AKR1C2: variants seen among roughly 807,000 people sequenced by gnomAD.
AKR1C2 encodes the protein 3-alpha-HSD3.
Under a neutral mutation model 39.8 loss-of-function variants are expected in AKR1C2, and 27 were observed. That is an observed-to-expected ratio of 0.68 (90% confidence interval 0.50 to 0.93). The LOEUF is 0.93. Ranked by LOEUF, AKR1C2 falls within the 40% of genes least tolerant of loss-of-function variation. The pLI is 0.00. For synonymous variants in AKR1C2, 114 were observed against 137.9 expected, an observed-to-expected ratio of 0.83 and a Z score of 1.22; for missense variants, 263 against 365.1, an observed-to-expected ratio of 0.72 and a Z score of 2.28.
intron 7 of AKR1C2, among the ~76,000 whole-genome samples, chr10:4,994,339 T>TA (rs1836956037): frequency 6.6e-6 from 1 of 152,136 alleles, no homozygotes. Context: ...AATGATAGAT[T>TA]AATTAGGAAC....
In AKR1C2 at chr10:5,000,678, A is replaced by G. The variant is rs782353111; in HGVS notation, c.253-12T>C. 5.6e-6 allele frequency: 9 copies of G among 1,605,244 alleles called. No homozygotes were observed. The highest frequency in any genetic ancestry group is 7.6e-6 in the Non-Finnish European group (9 of 1,176,814). On this transcript the variant is annotated splice_polypyrimidine_tract_variant and intron_variant, in intron 2 of 8. Coordinates refer to ENST00000380753, the MANE Select transcript of AKR1C2 (RefSeq NM_001393392.1). ...GAATTGCTCCAAAGCTGCAGAGGTTAGAGAAACGAAGTTGTGTAATGAAAA... is the reference window on the plus strand; with the variant it reads ...GAATTGCTCCAAAGCTGCAGAGGTTGGAGAAACGAAGTTGTGTAATGAAAA...
chr10:5,005,609 G>A (rs1461965483), upstream of AKR1C2, among the ~76,000 whole-genome samples: 1 of 152,150 alleles, frequency 6.6e-6, no homozygotes, highest in Non-Finnish European at 1.5e-5. Context: ...CTTGAACCCA[G>A]GAGGCAGAGG....
intron 5 of AKR1C2, among the ~76,000 whole-genome samples, chr10:4,996,923 A>G (rs1409945794): frequency 1.3e-5 from 2 of 152,130 alleles, no homozygotes; most frequent in African/African-American, 4.8e-5. Context: ...TGCAGTAGAA[A>G]AAAGTTCAAA....
chr10:4,998,405 A>G (rs1837135560), intron 5 of AKR1C2, among the ~76,000 whole-genome samples: 1 of 152,152 alleles, frequency 6.6e-6, no homozygotes, highest in South Asian at 2.1e-4. Flanking sequence ...CCTCCTATAA[A>G]TGTAACACAC....
chr10:4,990,014 T>C lies in AKR1C2; in HGVS notation c.954A>G (p.Pro318=), dbSNP rs578247536. 3.7e-6 allele frequency: 6 copies of C among 1,604,384 alleles called. No individual in the cohort carries two copies. In the South Asian group the frequency reaches 6.7e-5, roughly 18 times the overall value. The change falls in exon 9 of 9, where the codon CCA becomes CCG. Residue 318 remains proline, a synonymous_variant. Transcript: ENST00000380753. ...LDIFAGPPNY[P]FSDEY Reference sequence around the variant, plus strand: ...CTCCATGTTAATATTCATCAGAAAATGGATAATTAGGGGGGCCAGCAAAAC... The same window carrying C: ...CTCCATGTTAATATTCATCAGAAAACGGATAATTAGGGGGGCCAGCAAAAC...
intron 1 of AKR1C2, among the ~76,000 whole-genome samples, chr10:5,016,913 T>C (rs1837652681): frequency 6.6e-6 from 1 of 152,242 alleles, no homozygotes; most frequent in Admixed American, 6.5e-5. Flanking sequence ...TACATGGAAG[T>C]CACCACACAT....
intron 7 of AKR1C2, among the ~76,000 whole-genome samples, chr10:4,992,553 C>T (rs1391473372): frequency 3.9e-5 from 6 of 152,214 alleles, no homozygotes; most frequent in Admixed American, 3.9e-4. Flanking sequence ...CAATGTAACA[C>T]TTGATGAATG....
chr10:5,008,244 A>G (rs1837444782), upstream of AKR1C2, among the ~76,000 whole-genome samples: 1 of 139,420 alleles, frequency 7.2e-6, no homozygotes, highest in East Asian at 1.9e-4. Flanking sequence ...TTGCCTAAAT[A>G]AAAGCTTTAT....
rs1837261839 is a variant in AKR1C2, at chr10:5,001,251, C to A, written c.252+263G>T. On this transcript the variant is annotated intron_variant, in intron 2 of 8. Transcript: ENST00000380753. ...AATATGATTAAGATTATCTCTCATT[C>A]TATAGTCTATGTTAAACCATATTGA... Among the ~76,000 whole-genome samples, 3 of 152,160 alleles carry A rather than the reference C, an allele frequency of 2.0e-5. No homozygotes were observed. The South Asian group carries it at 6.2e-4, about 31-fold the overall frequency.
chr10:4,998,685 G>T lies in AKR1C2; in HGVS notation c.510C>A (p.His170Gln). The change falls in exon 5 of 9, where the codon CAC becomes CAA. Residue 170 changes from histidine (H) to glutamine (Q), a missense_variant. Coordinates refer to ENST00000380753, the MANE Select transcript of AKR1C2 (RefSeq NM_001393392.1). ...TGTTGAGGATCATCTCCAGCAGCCT[G>T]TGGTTGAAGTTGGACACCCCGATGG... ...AKSIGVSNFNHRLLEMILNKP... is the reference protein window; with the variant it reads ...AKSIGVSNFNQRLLEMILNKP... The T allele has an allele frequency of 1.9e-6, 3 of 1,614,188 alleles. No individual in the cohort carries two copies. Among genetic ancestry groups the T allele is most frequent in the Non-Finnish European group, 2.5e-6 (3 of 1,180,036 alleles).
intron 8 of AKR1C2, 53 bp from the exon 9 acceptor site, chr10:4,990,091 GC>G: frequency 6.2e-7 from 1 of 1,608,584 alleles, no homozygotes; most frequent in East Asian, 2.2e-5. Flanking sequence ...TCCGTTACTA[GC>G]CCGTAGCGCA....
chr10:5,006,134 A>G (rs1431631333), upstream of AKR1C2: 1 of 152,262 alleles, frequency 6.6e-6, no homozygotes, highest in African/African-American at 2.4e-5. Context: ...CCAGTATGAT[A>G]GTATTGGATT....
intron 5 of AKR1C2, chr10:4,997,226 C>A (rs1554773198): frequency 1.3e-5 from 2 of 152,304 alleles, no homozygotes; most frequent in Non-Finnish European, 2.9e-5. Context: ...TCACATCTAA[C>A]TTTTAATTTA....
At chr10:5,009,154 A>G (rs2131721795) in intron 1 of AKR1C2, among the ~76,000 whole-genome samples, 1 of 152,318 alleles carries the variant, frequency 6.6e-6, no homozygotes, top group East Asian at 1.9e-4. Context: ...CTAAAGCAAT[A>G]TGTAGGAAGT....
chr10:5,011,423 A>G, intron 1 of AKR1C2, among the ~76,000 whole-genome samples: 1 of 152,250 alleles, frequency 6.6e-6, no homozygotes, highest in East Asian at 1.9e-4. Flanking sequence ...GTAAACTTTA[A>G]TTTTATACAA....
chr10:4,993,833 T>G (rs1200326932), intron 7 of AKR1C2, among the ~76,000 whole-genome samples: 7 of 151,564 alleles, frequency 4.6e-5, no homozygotes, highest in Admixed American at 4.0e-4. Context: ...TATATCTATA[T>G]ATACTAGATG....
intron 7 of AKR1C2, among the ~76,000 whole-genome samples, chr10:4,993,705 T>C (rs1836919557): frequency 6.6e-6 from 1 of 151,942 alleles, no homozygotes; most frequent in South Asian, 2.1e-4. Flanking sequence ...TGGGAGATGT[T>C]ATTTCAAGAA....
Position 5,000,652 on chromosome 10 carries a change from G to C in AKR1C2, c.267C>G (p.Ser89=). Residue 89 remains serine, a synonymous_variant, in exon 3 of 9, where the codon TCC becomes TCG. Coordinates refer to ENST00000380753, the MANE Select transcript of AKR1C2 (RefSeq NM_001393392.1). ...CTGGTCGGACCAACTCTGGTCGATG[G>C]GAATTGCTCCAAAGCTGCAGAGGTT... ...IFYTSKLWSN[S]HRPELVRPAL... is the part of the protein sequence containing the mutation. The C allele has an allele frequency of 1.2e-6, 2 of 1,613,592 alleles. No homozygotes were observed. The highest frequency in any genetic ancestry group is 1.7e-6 in the Non-Finnish European group (2 of 1,179,780).
chr10:5,000,675 G>A lies in AKR1C2; in HGVS notation c.253-9C>T, dbSNP rs782080088. On this transcript the variant is annotated splice_polypyrimidine_tract_variant and intron_variant, in intron 2 of 8. Transcript: ENST00000380753. ...TGGGAATTGCTCCAAAGCTGCAGAGGTTAGAGAAACGAAGTTGTGTAATGA... is the reference window on the plus strand; with the variant it reads ...TGGGAATTGCTCCAAAGCTGCAGAGATTAGAGAAACGAAGTTGTGTAATGA... The A allele has an allele frequency of 4.4e-6, 7 of 1,606,504 alleles. No individual in the cohort carries two copies. The highest frequency in any genetic ancestry group is 1.1e-5 in the South Asian group (1 of 89,190).
Sources: allele counts gnomAD v4.1 joint callset (sites outside exome capture counted in the v4.1 genomes callset), GRCh38; gene constraint gnomAD v4.1.1; transcripts MANE v1.5; gene names NCBI Gene and HGNC (gene_info 2026-07-23, HGNC 2026-07-21).